Variants in CYP7B1 observed in about 807,000 individuals in gnomAD.
CYP7B1 encodes the protein cytochrome P450 family 7 subfamily B member 1.
Under a neutral mutation model 42.7 loss-of-function variants are expected in CYP7B1, and 29 were observed. That is an observed-to-expected ratio of 0.68 (90% CI 0.51 to 0.93). CYP7B1 has a LOEUF of 0.93. Among genes scored for constraint, CYP7B1 ranks in the 40% least tolerant of loss-of-function variants. CYP7B1 has a pLI of 0.00. For missense variants in CYP7B1, 655 were observed against 600.5 expected, an observed-to-expected ratio of 1.09 and a Z score of -0.95; for synonymous variants, 235 against 218.2, an observed-to-expected ratio of 1.08 and a Z score of -0.68.
chr8:64,636,921 T>C (rs2129630873), intron 1 of CYP7B1, among the ~76,000 whole-genome samples: 1 of 152,308 alleles, frequency 6.6e-6, no homozygotes, highest in South Asian at 2.1e-4. Flanking sequence ...AGTTGTTAAT[T>C]TACTTTACAG....
intron 4 of CYP7B1, among the ~76,000 whole-genome samples, chr8:64,608,557 A>C (rs1231177926): frequency 6.6e-6 from 1 of 152,130 alleles, no homozygotes; most frequent in Non-Finnish European, 1.5e-5. Context: ...AACCTGCTGC[A>C]GTCACTGGGG....
chr8:64,652,242 T>C (rs924330863), intron 1 of CYP7B1, among the ~76,000 whole-genome samples: 1 of 152,216 alleles, frequency 6.6e-6, no homozygotes, highest in African/African-American at 2.4e-5. Context: ...ACGATACACC[T>C]GGTTATAGTA....
chr8:64,630,415 T>C (rs1481544893), intron 1 of CYP7B1, among the ~76,000 whole-genome samples: 3 of 152,266 alleles, frequency 2.0e-5, no homozygotes, highest in Non-Finnish European at 4.4e-5. Flanking sequence ...ATGTTTATAC[T>C]AACCTTGGTG....
intron 1 of CYP7B1, among the ~76,000 whole-genome samples, chr8:64,648,985 T>C (rs1805995765): frequency 6.6e-6 from 1 of 152,224 alleles, no homozygotes; most frequent in African/African-American, 2.4e-5. Context: ...TAAAAAATCA[T>C]GGTAACAAAT....
chr8:64,761,715 T>A (rs1352291933), intron 1 of CYP7B1, among the ~76,000 whole-genome samples: 1 of 152,204 alleles, frequency 6.6e-6, no homozygotes, highest in Admixed American at 6.5e-5. Context: ...CTTAGTGGCA[T>A]GTGTTTTACA....
chr8:64,591,479 A>C lies in CYP7B1; in HGVS notation c.*5163T>G, dbSNP rs1303895399. Reference sequence around the variant, plus strand: ...ATTATTGCCATTCTTTTATACTAGGATCAAACACTAGATAAATGTTGTGCT... The same window carrying C: ...ATTATTGCCATTCTTTTATACTAGGCTCAAACACTAGATAAATGTTGTGCT... On this transcript the variant is annotated 3_prime_UTR_variant, in exon 6 of 6. Transcript: ENST00000310193. Among the ~76,000 whole-genome samples the C allele has an allele frequency of 6.6e-6, 1 of 152,206 alleles. No individual in the cohort carries two copies. The highest frequency in any genetic ancestry group is 2.4e-5 in the African/African-American group (1 of 41,460).
At chr8:64,651,988 A>G (rs947112408) in intron 1 of CYP7B1, among the ~76,000 whole-genome samples, 1 of 152,226 alleles carries the variant, frequency 6.6e-6, no homozygotes, top group Admixed American at 6.5e-5. Flanking sequence ...AGAAACATTC[A>G]AGCTCATAAC....
At chr8:64,726,172 T>C (rs958765790) in intron 1 of CYP7B1, among the ~76,000 whole-genome samples, 84 of 152,180 alleles carry the variant, frequency 5.5e-4, no homozygotes, top group African/African-American at 2.0e-3. Context: ...ACCCCTCTGA[T>C]CTTTAAAAAA....
chr8:64,621,603 G>T (rs1484905618), intron 2 of CYP7B1, among the ~76,000 whole-genome samples: 1 of 152,194 alleles, frequency 6.6e-6, no homozygotes, highest in Non-Finnish European at 1.5e-5. Flanking sequence ...GCAGCAGCAA[G>T]AGACTGAGCT....
chr8:64,794,932 A>G (rs1253451056), intron 1 of CYP7B1, among the ~76,000 whole-genome samples: 3 of 152,196 alleles, frequency 2.0e-5, no homozygotes, highest in African/African-American at 4.8e-5. Context: ...AGTGCTTCCA[A>G]TCAATAGACT....
chr8:64,736,381 A>G (rs1191290136), intron 1 of CYP7B1, among the ~76,000 whole-genome samples: 1 of 152,220 alleles, frequency 6.6e-6, no homozygotes, highest in African/African-American at 2.4e-5. Context: ...TGGGCAAGAG[A>G]AACAAAAAAT....
chr8:64,697,931 G>A (rs944317508), intron 1 of CYP7B1, among the ~76,000 whole-genome samples: 3 of 152,162 alleles, frequency 2.0e-5, no homozygotes, highest in African/African-American at 7.2e-5. Flanking sequence ...AGACAAGACA[G>A]GGCTCACATA....
At chr8:64,632,934 AG>A (rs1213625737) in intron 1 of CYP7B1, among the ~76,000 whole-genome samples, 2 of 152,008 alleles carry the variant, frequency 1.3e-5, no homozygotes, top group Non-Finnish European at 2.9e-5. Flanking sequence ...ACAGAAAGGA[AG>A]GGGGGCGGGG....
rs1169097528 is a variant in CYP7B1 at position 64,798,476 on chromosome 8, G to C, written c.112C>G (p.Arg38Gly). The change falls in exon 1 of 6, where the codon CGG becomes GGG. Residue 38 changes from arginine (R) to glycine (G), a missense_variant. Transcript: ENST00000310193. ...GGCCGAGGCGCTTACCTGGTGCGCC[G>C]GACAAGCAAGCAGAGGGCCAGGAGC... ...LLLLALCLLV[R>G]RTRRPGEPPL... 3 of 1,512,794 alleles carry C rather than the reference G, an allele frequency of 2.0e-6. No homozygotes were observed. The highest frequency in any genetic ancestry group is 1.2e-5 in the South Asian group (1 of 81,692). 93.7% of individuals were successfully genotyped at this position (1,512,794 alleles called of 1,614,324 possible). A position where few individuals can be genotyped will look rare whatever the true frequency, so the allele number is the denominator to read the frequency against.
intron 1 of CYP7B1, among the ~76,000 whole-genome samples, chr8:64,653,089 A>C (rs942198644): frequency 4.6e-5 from 7 of 152,200 alleles, no homozygotes; most frequent in South Asian, 2.1e-4. Flanking sequence ...AACTGAAAGA[A>C]TTAGGGAAGC....
intron 4 of CYP7B1, among the ~76,000 whole-genome samples, chr8:64,608,336 A>G (rs1457745416): frequency 3.9e-5 from 6 of 152,266 alleles, no homozygotes. Context: ...ATGACAATCA[A>G]TAATGCATGT....
At chr8:64,698,127 C>G (rs1292411368) in intron 1 of CYP7B1, among the ~76,000 whole-genome samples, 1 of 152,142 alleles carries the variant, frequency 6.6e-6, no homozygotes, top group East Asian at 1.9e-4. Context: ...AAAGTCCTAA[C>G]ACATGATGGG....
At chr8:64,732,007 G>T (rs188443613) in intron 1 of CYP7B1, among the ~76,000 whole-genome samples, 1 of 152,216 alleles carries the variant, frequency 6.6e-6, no homozygotes, top group Non-Finnish European at 1.5e-5. Flanking sequence ...GTGCTACAGG[G>T]GCAGAGCCCT....
intron 1 of CYP7B1, among the ~76,000 whole-genome samples, chr8:64,661,604 T>C (rs1052207550): frequency 2.6e-5 from 4 of 152,182 alleles, no homozygotes; most frequent in Non-Finnish European, 5.9e-5. Flanking sequence ...TTTAATATAT[T>C]TAAATTTGTG....
Sources: allele counts gnomAD v4.1 joint callset (sites outside exome capture counted in the v4.1 genomes callset), GRCh38; gene constraint gnomAD v4.1.1; transcripts MANE v1.5; gene names NCBI Gene and HGNC (gene_info 2026-07-23, HGNC 2026-07-21).